The following CCSER1 variants were observed in gnomAD, a reference collection of about 807,000 sequenced individuals.
CCSER1 encodes serine-rich coiled-coil domain-containing protein 1.
CCSER1 carries 41 observed loss-of-function variants against 82.0 expected under a neutral mutation model. The ratio of observed to expected loss-of-function variants is 0.50; its 90% CI spans 0.39 to 0.65. The LOEUF is 0.65. Among genes scored for constraint, CCSER1 ranks in the 30% least tolerant of loss-of-function variants. The probability of loss-of-function intolerance (pLI) is 0.00; values close to 1 mark genes in which losing one functional copy is unlikely to be tolerated. For missense variants in CCSER1, 1,119 were observed against 1,064.2 expected, an observed-to-expected ratio of 1.05 and a Z score of -0.72; for synonymous variants, 414 against 383.9, an observed-to-expected ratio of 1.08 and a Z score of -0.92.
At chr4:90,911,486 A>G (rs1412182523) in intron 8 of CCSER1, 1 of 303,318 alleles carries the variant, frequency 3.3e-6, no homozygotes, top group Non-Finnish European at 6.6e-6. Flanking sequence ...TTTTATTTAA[A>G]TAATCTTGGG....
intron 6 of CCSER1, among the ~76,000 whole-genome samples, chr4:90,661,545 G>T (rs572884841): frequency 6.6e-6 from 1 of 152,158 alleles, no homozygotes; most frequent in Non-Finnish European, 1.5e-5. Context: ...AGGCTGAAGC[G>T]CAATATGCAG....
intron 8 of CCSER1, among the ~76,000 whole-genome samples, chr4:90,861,418 G>A (rs1765071089): frequency 6.6e-6 from 1 of 151,680 alleles, no homozygotes; most frequent in Non-Finnish European, 1.5e-5. Context: ...ATATAAACAT[G>A]CAGCTATAGG....
chr4:90,550,157 G>A (rs1159236101), intron 5 of CCSER1, among the ~76,000 whole-genome samples: 1 of 152,210 alleles, frequency 6.6e-6, no homozygotes, highest in African/African-American at 2.4e-5. Context: ...AGGAGAGCAA[G>A]GGGTAGTTAT....
chr4:90,154,518 A>G (rs1727633021), intron 1 of CCSER1, among the ~76,000 whole-genome samples: 1 of 151,054 alleles, frequency 6.6e-6, no homozygotes, highest in Non-Finnish European at 1.5e-5. Flanking sequence ...TGAGCATGGA[A>G]TGTTCTTCCA....
chr4:90,393,702 A>C (rs1751525462), intron 3 of CCSER1, among the ~76,000 whole-genome samples: 1 of 151,982 alleles, frequency 6.6e-6, no homozygotes, highest in South Asian at 2.1e-4. Context: ...TAATTTAAAA[A>C]TATTAATAAA....
intron 3 of CCSER1, among the ~76,000 whole-genome samples, chr4:90,339,666 C>T (rs564879878): frequency 6.6e-6 from 1 of 152,152 alleles, no homozygotes; most frequent in East Asian, 1.9e-4. Flanking sequence ...TGCATGTTGT[C>T]CTCCCTCATT....
At chr4:90,861,651 A>G (rs981688064) in intron 8 of CCSER1, among the ~76,000 whole-genome samples, 1 of 151,738 alleles carries the variant, frequency 6.6e-6, no homozygotes, top group Non-Finnish European at 1.5e-5. Flanking sequence ...GTGACAAAGA[A>G]AAAGCATACA....
chr4:90,398,493 A>G (rs1433082098), intron 3 of CCSER1, among the ~76,000 whole-genome samples: 2 of 152,180 alleles, frequency 1.3e-5, no homozygotes, highest in Admixed American at 6.5e-5. Flanking sequence ...GTGTTTGATA[A>G]ACACTCACAT....
intron 10 of CCSER1, among the ~76,000 whole-genome samples, chr4:91,101,767 T>C (rs1490392208): frequency 6.6e-6 from 1 of 152,176 alleles, no homozygotes; most frequent in African/African-American, 2.4e-5. Flanking sequence ...CTAAAGGACA[T>C]CAAGAACTTC....
chr4:90,430,868 G>GA lies in CCSER1; in HGVS notation c.1603+30739_1603+30740insA, dbSNP rs796099569. Among the ~76,000 whole-genome samples, 11 of 151,990 alleles carry GA rather than the reference G, an allele frequency of 7.2e-5. No homozygotes were observed. In the South Asian group the frequency reaches 2.1e-3, roughly 29 times the overall value. On this transcript the variant is annotated intron_variant, in intron 4 of 10. Coordinates refer to ENST00000509176, the MANE Select transcript of CCSER1 (RefSeq NM_001145065.2). ...CTTTCTGTAATGCTGGCTTAAAAAG[G>GA]CATATGCTCAAATTTTAATAATTTA...
chr4:91,219,853 G>GT (rs562884238), intron 10 of CCSER1, among the ~76,000 whole-genome samples: 92 of 152,230 alleles, frequency 6.0e-4, no homozygotes, highest in African/African-American at 1.8e-3. Context: ...GTTAGGATTA[G>GT]TATCTGTCTC....
intron 10 of CCSER1, among the ~76,000 whole-genome samples, chr4:91,553,810 CT>C (rs1305442306): frequency 2.7e-5 from 4 of 150,496 alleles, no homozygotes; most frequent in Non-Finnish European, 5.9e-5. Context: ...TATATCCACT[CT>C]TTTTTCTTTT....
chr4:91,007,735 T>G (rs1192079457), intron 9 of CCSER1, among the ~76,000 whole-genome samples: 1 of 152,056 alleles, frequency 6.6e-6, no homozygotes, highest in Non-Finnish European at 1.5e-5. Context: ...TCTTTATTTC[T>G]TTTACTCTTG....
chr4:90,644,739 T>C lies in CCSER1; in HGVS notation c.1932+16507T>C, dbSNP rs1727187232. Among the ~76,000 whole-genome samples the C allele has an allele frequency of 2.0e-5, 3 of 151,980 alleles. No individual in the cohort carries two copies. The South Asian group carries it at 6.2e-4, about 32-fold the overall frequency. On this transcript the variant is annotated intron_variant, in intron 6 of 10. Coordinates refer to ENST00000509176, the MANE Select transcript of CCSER1 (RefSeq NM_001145065.2). ...TAGTGTTTGATTTTCTGTGCCTGCA[T>C]AAGTTTGCTGAGGATAATGGCTTCC...
intron 9 of CCSER1, among the ~76,000 whole-genome samples, chr4:91,048,360 A>T (rs1272370245): frequency 1.4e-5 from 2 of 141,186 alleles, no homozygotes; most frequent in African/African-American, 4.9e-5. Flanking sequence ...TTAAAAATAT[A>T]TTTTTCTTCT....
At chr4:91,317,821 A>G (rs1297855410) in intron 10 of CCSER1, among the ~76,000 whole-genome samples, 2 of 151,960 alleles carry the variant, frequency 1.3e-5, no homozygotes, top group Admixed American at 1.3e-4. Flanking sequence ...GGTTTCAGTC[A>G]GGCAAGTGGA....
chr4:90,586,284 G>A (rs1165119169), intron 5 of CCSER1, among the ~76,000 whole-genome samples: 1 of 152,094 alleles, frequency 6.6e-6, no homozygotes, highest in Non-Finnish European at 1.5e-5. Context: ...TTTGTCCGTG[G>A]AAAAATTGTC....
chr4:90,512,090 C>T (rs532489313), intron 5 of CCSER1, among the ~76,000 whole-genome samples: 2 of 152,072 alleles, frequency 1.3e-5, no homozygotes, highest in African/African-American at 4.8e-5. Flanking sequence ...CATATTTTTC[C>T]GTAGATATGT....
chr4:91,100,897 A>C (rs1490385137), intron 10 of CCSER1, among the ~76,000 whole-genome samples: 1 of 152,192 alleles, frequency 6.6e-6, no homozygotes, highest in Non-Finnish European at 1.5e-5. Flanking sequence ...GTAGTGTCTC[A>C]AATGGGGAAA....
Sources: gnomAD v4.1 joint callset for allele counts (sites outside exome capture counted in the v4.1 genomes callset) on GRCh38, gnomAD v4.1.1 for gene constraint, MANE v1.5 for transcripts, NCBI Gene and HGNC (gene_info 2026-07-23, HGNC 2026-07-21) for gene names.